ITCH: variants seen among roughly 807,000 people sequenced by gnomAD.
ITCH encodes the protein itchy E3 ubiquitin protein ligase.
In ITCH, 28 loss-of-function variants were observed where a neutral mutation model predicts 126.8. That is an observed-to-expected ratio of 0.22 (90% CI 0.16 to 0.30). The LOEUF (loss-of-function observed/expected upper bound fraction) is 0.30, where lower values mean the gene tolerates loss of function less well. Among genes scored for constraint, ITCH ranks in the 10% least tolerant of loss-of-function variants. ITCH has a pLI of 1.00. For missense variants in ITCH, 631 were observed against 1,032.4 expected (o/e 0.61, Z 5.33); for synonymous variants, 342 against 340.0 (o/e 1.01, Z -0.06).
At chr20:34,370,105 GA>G (rs944960345) in intron 2 of ITCH, among the ~76,000 whole-genome samples, 2,891 of 117,676 alleles carry the variant, frequency 0.025, 27 homozygotes, top group African/African-American at 0.042. Context: ...CCCTGTCTCG[GA>G]AAAAAAAAAA....
intron 14 of ITCH, among the ~76,000 whole-genome samples, chr20:34,467,522 CAAAA>C (rs952002079): frequency 2.9e-5 from 2 of 68,318 alleles, no homozygotes; most frequent in Admixed American, 1.7e-4. Context: ...GACCCTGTCT[CAAAA>C]AAAAAAAAAA....
At chr20:34,476,482 G>A (rs779739326) in intron 16 of ITCH, 4 of 1,211,370 alleles carry the variant, frequency 3.3e-6, no homozygotes, top group South Asian at 4.1e-5. Context: ...CATCGCCCGC[G>A]GTCGGGAACT....
At chr20:34,388,411 G>T (rs776928275) in intron 2 of ITCH, among the ~76,000 whole-genome samples, 8 of 151,676 alleles carry the variant, frequency 5.3e-5, no homozygotes, top group Non-Finnish European at 1.2e-4. Flanking sequence ...TTGAGATGAG[G>T]TCTTGCTCTG....
At chr20:34,504,227 T>A in intron 23 of ITCH, 104 bp from the exon 24 acceptor site, 1 of 852,444 alleles carries the variant, frequency 1.2e-6, no homozygotes. Context: ...TGAGGATTTA[T>A]GGTTCTAACA....
intron 7 of ITCH, among the ~76,000 whole-genome samples, chr20:34,432,075 A>G (rs1982383744): frequency 6.8e-6 from 1 of 146,238 alleles, no homozygotes; most frequent in African/African-American, 2.5e-5. Context: ...AAAAGATGGG[A>G]CATTTAACAC....
intron 23 of ITCH, among the ~76,000 whole-genome samples, chr20:34,496,410 GTTGA>G (rs774394976): frequency 5.9e-5 from 9 of 152,292 alleles, no homozygotes; most frequent in South Asian, 2.1e-4. Context: ...TCTACACTGT[GTTGA>G]TTGTTTCCTT....
intron 20 of ITCH, among the ~76,000 whole-genome samples, chr20:34,482,857 T>A (rs184212374): frequency 6.6e-6 from 1 of 152,280 alleles, no homozygotes; most frequent in African/African-American, 2.4e-5. Context: ...GCCCTGCCCC[T>A]GCAAGCAGAC....
chr20:34,385,039 G>A (rs960208010), intron 2 of ITCH, among the ~76,000 whole-genome samples: 1 of 150,868 alleles, frequency 6.6e-6, no homozygotes, highest in African/African-American at 2.4e-5. Flanking sequence ...TTTTAAGACC[G>A]AGTCTCACTC....
intron 2 of ITCH, among the ~76,000 whole-genome samples, chr20:34,380,022 G>A (rs763939597): frequency 1.3e-5 from 2 of 150,950 alleles, no homozygotes. Context: ...TCAGTCTCCC[G>A]AGTAGCTGGA....
intron 20 of ITCH, among the ~76,000 whole-genome samples, chr20:34,488,802 C>T (rs969705201): frequency 1.1e-4 from 16 of 152,156 alleles, no homozygotes; most frequent in African/African-American, 2.4e-4. Context: ...CTTTGGATGG[C>T]GGAGGCAGGA....
chr20:34,503,870 G>GTTTTTTTTTTTTTTTGT (rs1312659165), intron 23 of ITCH, among the ~76,000 whole-genome samples: 1 of 56,052 alleles, frequency 1.8e-5, no homozygotes, highest in African/African-American at 6.9e-5. Context: ...TTTTTTTTTG[G>GTTTTTTTTTTTTTTTGT]TTTTTTTTTT....
intron 20 of ITCH, among the ~76,000 whole-genome samples, chr20:34,487,572 G>A (rs1409357152): frequency 6.6e-6 from 1 of 151,812 alleles, no homozygotes; most frequent in Non-Finnish European, 1.5e-5. Flanking sequence ...AACTTTAGTG[G>A]CAACTCTAAT....
rs1328107195 is a variant in ITCH, at chr20:34,511,271, C to T, written c.*3477C>T. The T allele has an allele frequency of 6.6e-6, 1 of 152,110 alleles. No individual in the cohort carries two copies. The highest frequency in any genetic ancestry group is 2.4e-5 in the African/African-American group (1 of 41,416). The allele number at this position is 152,110 out of a possible 1,614,324, so 9.4% of individuals were successfully genotyped here. On this transcript the variant is annotated 3_prime_UTR_variant, in exon 25 of 25. Transcript: ENST00000374864. The stretch of plus-strand genomic sequence containing the variant: ...TTCTTGATCTGTTACTTTTAATACT[C>T]AGGTAATGCTACAAATATTACAGGG...
intron 2 of ITCH, among the ~76,000 whole-genome samples, chr20:34,374,404 A>C (rs2037756369): frequency 6.6e-6 from 1 of 152,148 alleles, no homozygotes; most frequent in South Asian, 2.1e-4. Flanking sequence ...TTTTTGCCTT[A>C]GTTTTCTCAT....
chr20:34,429,365 C>T (rs1981980822), intron 7 of ITCH, among the ~76,000 whole-genome samples: 2 of 152,274 alleles, frequency 1.3e-5, no homozygotes, highest in Middle Eastern at 3.4e-3. Flanking sequence ...ACTAAAATAA[C>T]TTAAACTTAT....
intron 11 of ITCH, among the ~76,000 whole-genome samples, chr20:34,447,098 A>G (rs1175288152): frequency 6.6e-6 from 1 of 152,084 alleles, no homozygotes; most frequent in African/African-American, 2.4e-5. Context: ...AGAGAGATTT[A>G]GCAGATTTCT....
chr20:34,494,154 C>G (rs542453533), intron 23 of ITCH, among the ~76,000 whole-genome samples: 9 of 152,150 alleles, frequency 5.9e-5, no homozygotes, highest in African/African-American at 2.2e-4. Context: ...CGCTTGAACC[C>G]GGGAGGCAGA....
In ITCH at chr20:34,438,452, CTT is replaced by C; in HGVS notation, c.522-19_522-18del. The C allele has an allele frequency of 6.2e-7, 1 of 1,613,358 alleles. No homozygotes were observed. The highest frequency in any genetic ancestry group is 8.5e-7 in the Non-Finnish European group (1 of 1,179,352). On this transcript the variant is annotated intron_variant, in intron 7 of 24. Transcript: ENST00000374864. ...ATTCATTATTTCCCTCTCCCCCTTC[CTT>C]TTCCCCTCTTCTTACCCAGAGTGAG...
At chr20:34,452,069 C>CAAA (rs765697780) in intron 12 of ITCH, among the ~76,000 whole-genome samples, 9 of 53,254 alleles carry the variant, frequency 1.7e-4, no homozygotes, top group Admixed American at 1.9e-4. Flanking sequence ...GACCCTGTCT[C>CAAA]AAAAAAAAAA....
Sources: allele counts gnomAD v4.1 joint callset (sites outside exome capture counted in the v4.1 genomes callset), GRCh38; gene constraint gnomAD v4.1.1; transcripts MANE v1.5; gene names NCBI Gene and HGNC (gene_info 2026-07-23, HGNC 2026-07-21).